Variants in SPATA3 observed in about 807,000 individuals in gnomAD.
The protein encoded by SPATA3 is spermatogenesis associated 3, also known as spermatogenesis-associated protein 3.
In SPATA3, 6 loss-of-function variants were observed where a neutral mutation model predicts 5.7. That is an observed-to-expected ratio of 1.06 (90% confidence interval 0.58 to 2.09). SPATA3 has a LOEUF of 2.09. Ranked by LOEUF, SPATA3 falls within the 30% of genes most tolerant of loss-of-function variation. The pLI, the probability that SPATA3 is intolerant of heterozygous loss-of-function variation, is 0.00. For missense variants in SPATA3, 155 were observed against 130.4 expected, an observed-to-expected ratio of 1.19 and a Z score of -0.92; for synonymous variants, 44 against 48.4, an observed-to-expected ratio of 0.91 and a Z score of 0.37.
chr2:231,000,850 C>G (rs1434216554), intron 2 of SPATA3, among the ~76,000 whole-genome samples: 1 of 152,216 alleles, frequency 6.6e-6, no homozygotes, highest in Non-Finnish European at 1.5e-5. Context: ...AACACTCTCC[C>G]CCTCAGCCCT....
chr2:231,011,892 C>T (rs548741851), downstream of SPATA3, among the ~76,000 whole-genome samples: 7 of 152,300 alleles, frequency 4.6e-5, no homozygotes, highest in South Asian at 1.4e-3. Flanking sequence ...CATCCCCAGG[C>T]AGCTCCCCCT....
chr2:231,019,746 G>A (rs1003504821), exon 7 of SPATA3: 2 of 151,006 alleles, frequency 1.3e-5, no homozygotes, highest in African/African-American at 2.4e-5. Context: ...CCTCAGATTT[G>A]CCCTGCACTT....
At chr2:231,008,209 TG>T (rs140147230), downstream of SPATA3, among the ~76,000 whole-genome samples, 2,027 of 152,200 alleles carry the variant, frequency 0.013, 49 homozygotes, top group African/African-American at 0.046. Context: ...CTGTTGGTCT[TG>T]GAGAAAGGCT....
downstream of SPATA3, among the ~76,000 whole-genome samples, chr2:231,007,852 C>T (rs1038413443): frequency 2.6e-5 from 4 of 152,062 alleles, no homozygotes; most frequent in Non-Finnish European, 4.4e-5. Flanking sequence ...GGAGTGTCAA[C>T]GAGGGAAGGA....
At chr2:231,016,400 G>A (rs1692937434) in intron 6 of SPATA3, among the ~76,000 whole-genome samples, 1 of 151,858 alleles carries the variant, frequency 6.6e-6, no homozygotes, top group Non-Finnish European at 1.5e-5. Context: ...TCAAAGACTA[G>A]GTCCTGGCGG....
intron 6 of SPATA3, among the ~76,000 whole-genome samples, chr2:231,015,687 C>T (rs1460206906): frequency 6.6e-6 from 1 of 152,212 alleles, no homozygotes; most frequent in Non-Finnish European, 1.5e-5. Context: ...CCCCTAGGCA[C>T]CCTCGGCCTG....
chr2:231,011,271 C>T (rs190693299), downstream of SPATA3, among the ~76,000 whole-genome samples: 177 of 152,184 alleles, frequency 1.2e-3, no homozygotes, highest in African/African-American at 4.0e-3. Context: ...TACGCCACCA[C>T]ATCTGGCTAA....
At chr2:231,002,707 G>T (rs1692399707) in exon 3 of SPATA3, 3 of 1,523,346 alleles carry the variant, frequency 2.0e-6, no homozygotes, top group Non-Finnish European at 2.6e-6. Context: ...AAACCCTCCA[G>T]TCATCGTAAC....
At chr2:231,002,913 G>A (rs967853491), downstream of SPATA3, 3 of 552,688 alleles carry the variant, frequency 5.4e-6, no homozygotes, top group Non-Finnish European at 8.9e-6. Context: ...CTTGCCAGTG[G>A]AGTGACTCCC....
downstream of SPATA3, chr2:231,003,999 T>C (rs1245151125): frequency 2.6e-5 from 4 of 152,164 alleles, no homozygotes; most frequent in Admixed American, 2.6e-4. Flanking sequence ...GTGGGGATGA[T>C]AGCATGGGGA....
chr2:230,997,471 C>T (rs1692172274), intron 1 of SPATA3, among the ~76,000 whole-genome samples: 1 of 152,202 alleles, frequency 6.6e-6, no homozygotes, highest in Non-Finnish European at 1.5e-5. Context: ...GATAGGATAG[C>T]CAGACAAAAT....
chr2:231,003,439 CAGGGAGTG>C (rs977415037), downstream of SPATA3, among the ~76,000 whole-genome samples: 17 of 152,112 alleles, frequency 1.1e-4, no homozygotes, highest in African/African-American at 3.4e-4. Context: ...GAGGTGCTCT[CAGGGAGTG>C]AGGGAGTGAG....
downstream of SPATA3, among the ~76,000 whole-genome samples, chr2:231,012,013 G>T (rs980770): frequency 0.44 from 66,762 of 152,102 alleles, 15,731 homozygotes; most frequent in African/African-American, 0.59. Context: ...GATGCATTCC[G>T]GTCCTAAGCC....
At chr2:231,004,781 C>T (rs1324579985), downstream of SPATA3, among the ~76,000 whole-genome samples, 2 of 152,104 alleles carry the variant, frequency 1.3e-5, no homozygotes, top group African/African-American at 4.8e-5. Flanking sequence ...CCTGATGTCT[C>T]ATTTTCTTTT....
chr2:231,004,451 G>A (rs527324604), downstream of SPATA3, among the ~76,000 whole-genome samples: 3 of 152,240 alleles, frequency 2.0e-5, no homozygotes, highest in South Asian at 6.2e-4. Context: ...TGATAGCTGG[G>A]TGTTAGAGAC....
rs1028887987 is a variant in SPATA3, at chr2:231,002,666, T to C, written c.963-18T>C. ...AAGCCCAGCTTCCCACCACCCCCAC[T>C]TCTGCTTTGCTCTACAGAAAATCTT... is the stretch of plus-strand genomic sequence containing the variant. On this transcript the variant is annotated intron_variant, in intron 2 of 2. Coordinates refer to ENST00000645363, the Ensembl canonical transcript of SPATA3. 4 of 1,464,412 alleles carry C rather than the reference T, an allele frequency of 2.7e-6. No individual in the cohort carries two copies. In the African/African-American group the frequency reaches 4.3e-5, roughly 16 times the overall value. The allele number at this position is 1,464,412 out of a possible 1,614,324, so 90.7% of individuals were successfully genotyped here. A position where few individuals can be genotyped will look rare whatever the true frequency, so the allele number is the denominator to read the frequency against.
chr2:231,000,368 C>A, exon 2 of SPATA3: 1 of 1,498,026 alleles, frequency 6.7e-7, no homozygotes, highest in South Asian at 1.3e-5. Context: ...CCCCACAGGG[C>A]CTCTGATTCG....
At chr2:231,006,946 G>T (rs527923375), downstream of SPATA3, 1 of 152,204 alleles carries the variant, frequency 6.6e-6, no homozygotes, top group Admixed American at 6.5e-5. Context: ...AGCTGCAGGG[G>T]CCCCCGGGGA....
chr2:231,017,165 A>T (rs1247507755), intron 6 of SPATA3, among the ~76,000 whole-genome samples: 2 of 152,222 alleles, frequency 1.3e-5, no homozygotes, highest in Non-Finnish European at 2.9e-5. Context: ...ATTTACAGGG[A>T]GTGGGGAACC....
Sources: gnomAD v4.1 joint callset for allele counts (sites outside exome capture counted in the v4.1 genomes callset) on GRCh38, gnomAD v4.1.1 for gene constraint, MANE v1.5 for transcripts, NCBI Gene and HGNC (gene_info 2026-07-23, HGNC 2026-07-21) for gene names.